Variants in BICD2 observed in about 807,000 individuals in gnomAD.
BICD2 encodes protein bicaudal D homolog 2.
In BICD2, 25 loss-of-function variants were observed where a neutral mutation model predicts 72.9. The observed-to-expected ratio is 0.34, with a 90% CI of 0.25 to 0.48. The LOEUF is 0.48. Among genes scored for constraint, BICD2 ranks in the 20% least tolerant of loss-of-function variants. The pLI is 0.99. For missense variants in BICD2, 894 were observed against 1,175.2 expected (o/e 0.76, Z 3.50); for synonymous variants, 501 against 516.1 (o/e 0.97, Z 0.40).
chr9:92,755,830 C>A (rs949251554), intron 1 of BICD2, among the ~76,000 whole-genome samples: 15 of 152,172 alleles, frequency 9.9e-5, no homozygotes, highest in Non-Finnish European at 1.9e-4. Context: ...CACATGCCTG[C>A]AAAGCAGCTG....
In BICD2 at chr9:92,720,631, A is replaced by T; in HGVS notation, c.731T>A (p.Leu244Gln). The change falls in exon 4 of 7, where the codon CTG (leucine) becomes CAG (glutamine). Residue 244 changes from leucine to glutamine, a missense_variant. Around this residue, in one of 5 missense-constraint regions of BICD2, gnomAD observed 371 missense variants for 439.1 expected, o/e 0.84. Coordinates refer to ENST00000356884, the MANE Select transcript of BICD2 (RefSeq NM_001003800.2). This position sits in a 1 kb window ranked among gnomAD's most constrained non-coding sequence, Gnocchi z 5.4. ...TTCGCGCTCCGTCTTCAGGGTCTCC[A>T]GCGCCTCCTCCAGCTGCCGCTCTGA... ...EISERQLEEA[L>Q]ETLKTEREQK... is the part of the protein sequence containing the mutation. 6.2e-7 allele frequency: 1 copy of T among 1,614,026 alleles called. No homozygotes were observed. Among genetic ancestry groups the T allele is most frequent in the Non-Finnish European group, 8.5e-7 (1 of 1,180,030 alleles).
intron 1 of BICD2, among the ~76,000 whole-genome samples, chr9:92,760,642 C>T (rs1005502294): frequency 6.6e-6 from 1 of 152,218 alleles, no homozygotes; most frequent in African/African-American, 2.4e-5. Flanking sequence ...AGTGTAGCCA[C>T]ATGGTCATCA....
At chr9:92,735,067 C>A (rs1307080750) in intron 1 of BICD2, among the ~76,000 whole-genome samples, 1 of 152,236 alleles carries the variant, frequency 6.6e-6, no homozygotes, top group Non-Finnish European at 1.5e-5. Context: ...AAGCTCCCGG[C>A]TCACTCTCTA....
chr9:92,746,263 G>C (rs1004587158), intron 1 of BICD2, among the ~76,000 whole-genome samples: 1 of 152,208 alleles, frequency 6.6e-6, no homozygotes, highest in Non-Finnish European at 1.5e-5. Flanking sequence ...CGGGCATGGT[G>C]GCTCACGCCT....
chr9:92,729,085 A>G lies in BICD2; in HGVS notation c.392T>C (p.Val131Ala). 1 of 1,614,196 alleles carries G rather than the reference A, an allele frequency of 6.2e-7. No homozygotes were observed. The highest frequency in any genetic ancestry group is 8.5e-7 in the Non-Finnish European group (1 of 1,180,040). Residue 131 changes from valine (V) to alanine (A), a missense_variant, in exon 2 of 7, where the codon GTC becomes GCC. Around this residue, in one of 5 missense-constraint regions of BICD2, gnomAD observed 192 missense variants for 243.6 expected, o/e 0.79. Transcript: ENST00000356884. ...LQTELKQLRN[V>A]LTNTQSENER... ...ATTCTCCGACTGCGTGTTGGTGAGG[A>G]CATTGCGCAACTGCTTCAGCTCCGT...
At chr9:92,725,475 G>A (rs979430544) in intron 2 of BICD2, among the ~76,000 whole-genome samples, 4 of 152,238 alleles carry the variant, frequency 2.6e-5, no homozygotes, top group African/African-American at 9.6e-5. Context: ...AATTGCCAAG[G>A]GCTCAAACAG....
chr9:92,729,313 C>T, intron 1 of BICD2, 77 bp from the exon 2 acceptor site: 1 of 1,463,658 alleles, frequency 6.8e-7, no homozygotes, highest in Admixed American at 1.8e-5. Context: ...TCACAGGCGA[C>T]ATTCATGCTG....
rs115209430 is a variant in BICD2, at chr9:92,718,327, G to A, written c.2106+212C>T. Among the ~76,000 whole-genome samples, 1,762 of 152,328 alleles carry A rather than the reference G, an allele frequency of 0.012. 32 individuals carry two copies. The highest frequency in any genetic ancestry group is 0.039 in the African/African-American group (1,642 of 41,582). Reference sequence around the variant, plus strand: ...TTCTCACTGGCTGAGCAGCTCTGCTGAGGGGCCCTCACACCCACCTGCCTG... The same window carrying A: ...TTCTCACTGGCTGAGCAGCTCTGCTAAGGGGCCCTCACACCCACCTGCCTG... On this transcript the variant is annotated intron_variant, in intron 5 of 6. Coordinates refer to ENST00000356884, the MANE Select transcript of BICD2 (RefSeq NM_001003800.2).
At chr9:92,721,432 G>C (rs1853462821) in intron 3 of BICD2, among the ~76,000 whole-genome samples, 1 of 152,242 alleles carries the variant, frequency 6.6e-6, no homozygotes, top group South Asian at 2.1e-4. Context: ...TGTATCTGCA[G>C]GTGGGCAAGG....
chr9:92,747,855 G>T (rs749173087), intron 1 of BICD2, among the ~76,000 whole-genome samples: 1 of 152,198 alleles, frequency 6.6e-6, no homozygotes, highest in Non-Finnish European at 1.5e-5. Context: ...AGCATCTGTG[G>T]CATGAATGGA....
Position 92,720,902 on chromosome 9 carries a change from G to A in BICD2, c.607-147C>T. The A allele has an allele frequency of 1.1e-5, 9 of 808,614 alleles. No homozygotes were observed. The highest frequency in any genetic ancestry group is 3.0e-4 in the Middle Eastern group (1 of 3,366). 50.1% of individuals were successfully genotyped at this position (808,614 alleles called of 1,614,324 possible). A position where few individuals can be genotyped will look rare whatever the true frequency, so the allele number is the denominator to read the frequency against. On this transcript the variant is annotated intron_variant, in intron 3 of 6. Coordinates refer to ENST00000356884, the MANE Select transcript of BICD2 (RefSeq NM_001003800.2). The surrounding 1 kb of genome is among the most constrained non-coding windows in gnomAD (Gnocchi z 5.4). ...CAGGTGAGGTGCCATCCTGGGAAGG[G>A]TGGCAGCCCGTCCAGGCCAAGACTG...
chr9:92,745,032 G>A (rs1270884951), intron 1 of BICD2, among the ~76,000 whole-genome samples: 1 of 152,018 alleles, frequency 6.6e-6, no homozygotes, highest in Non-Finnish European at 1.5e-5. Context: ...TCATAAAATG[G>A]ATAATATCAG....
intron 2 of BICD2, among the ~76,000 whole-genome samples, chr9:92,727,339 A>C (rs1465073878): frequency 6.6e-6 from 1 of 152,194 alleles, no homozygotes; most frequent in Non-Finnish European, 1.5e-5. Flanking sequence ...CTCCTGTGTC[A>C]GGAACAAGGG....
Position 92,764,470 on chromosome 9 carries a change from G to A in BICD2, c.240+35C>T, listed in dbSNP as rs534496557. 154 of 1,458,808 alleles carry A rather than the reference G, an allele frequency of 1.1e-4. 1 individual carries two copies. The African/African-American group carries it at 1.6e-3, about 15-fold the overall frequency. The allele number at this position is 1,458,808 out of a possible 1,614,324, so 90.4% of individuals were successfully genotyped here. A position where few individuals can be genotyped will look rare whatever the true frequency, so the allele number is the denominator to read the frequency against. ...GACGACGCCCACAGGCCCCGGCGCC[G>A]GGCGGGGGTCGCAGGGCAGGGCGGC... On this transcript the variant is annotated intron_variant, in intron 1 of 6. Transcript: ENST00000356884. This position sits in a 1 kb window ranked among gnomAD's most constrained non-coding sequence, Gnocchi z 5.5.
rs192669216 is a variant in BICD2, at chr9:92,719,477, G to T, written c.1168C>A (p.Leu390Ile). The change falls in exon 5 of 7, where the codon CTC becomes ATC. Residue 390 changes from leucine (L) to isoleucine (I), a missense_variant. Physicochemically the swap from Leu to Ile is conservative, Grantham distance 5. Transcript: ENST00000356884. The part of the protein sequence containing the change: ...LSEQQEKVTR[L>I]TENLSALRRL... Reference sequence around the variant, plus strand: ...CGCAGGGCACTCAGATTCTCTGTGAGGCGGGTCACCTTCTCCTGCTGTTCT... The same window carrying T: ...CGCAGGGCACTCAGATTCTCTGTGATGCGGGTCACCTTCTCCTGCTGTTCT... 47 of 1,614,104 alleles carry T rather than the reference G, an allele frequency of 2.9e-5. No homozygotes were observed. The East Asian group carries it at 1.0e-3, about 35-fold the overall frequency.
At chr9:92,726,159 T>C (rs1281672717) in intron 2 of BICD2, among the ~76,000 whole-genome samples, 9 of 152,320 alleles carry the variant, frequency 5.9e-5, no homozygotes, top group Admixed American at 5.2e-4. Context: ...CTTAGGCACA[T>C]GATGGAACCT....
intron 1 of BICD2, among the ~76,000 whole-genome samples, chr9:92,753,656 A>C (rs901220311): frequency 2.2e-4 from 34 of 151,932 alleles, no homozygotes; most frequent in African/African-American, 8.2e-4. Context: ...CTCCTGCCTC[A>C]GCCTCCTGAG....
rs369298186 is a variant in BICD2, at chr9:92,720,637, T to C, written c.725A>G (p.Glu242Gly). 4 of 1,614,012 alleles carry C rather than the reference T, an allele frequency of 2.5e-6. No individual in the cohort carries two copies. The highest frequency in any genetic ancestry group is 3.4e-6 in the Non-Finnish European group (4 of 1,180,018). Reference sequence around the variant, plus strand: ...CTCCGTCTTCAGGGTCTCCAGCGCCTCCTCCAGCTGCCGCTCTGAGATCTC... The same window carrying C: ...CTCCGTCTTCAGGGTCTCCAGCGCCCCCTCCAGCTGCCGCTCTGAGATCTC... Reference protein sequence around the residue: ...LKEISERQLEEALETLKTERE... With the variant: ...LKEISERQLEGALETLKTERE... The change falls in exon 4 of 7, where the codon GAG becomes GGG. Residue 242 changes from glutamate (E) to glycine (G), a missense_variant. Coordinates refer to ENST00000356884, the MANE Select transcript of BICD2 (RefSeq NM_001003800.2). The surrounding 1 kb of genome is among the most constrained non-coding windows in gnomAD (Gnocchi z 5.4).
intron 1 of BICD2, among the ~76,000 whole-genome samples, chr9:92,755,552 TTC>T (rs1473466800): frequency 6.6e-6 from 1 of 152,218 alleles, no homozygotes; most frequent in East Asian, 1.9e-4. Context: ...GCTTTAAAAT[TTC>T]TCTCTTTTGT....
Sources: gnomAD v4.1 joint callset for allele counts (sites outside exome capture counted in the v4.1 genomes callset) on GRCh38, gnomAD v4.1.1 for gene constraint, gnomAD v4.1.1 regional missense constraint, Gnocchi (gnomAD v3.1) non-coding constraint, MANE v1.5 for transcripts, NCBI Gene and HGNC (gene_info 2026-07-23, HGNC 2026-07-21) for gene names.